The following ARHGEF10 variants were observed in gnomAD, a reference collection of about 807,000 sequenced individuals.
ARHGEF10 encodes the protein Rho guanine nucleotide exchange factor 10.
Under a neutral mutation model 147.4 loss-of-function variants are expected in ARHGEF10, and 140 were observed. The observed-to-expected ratio is 0.95, with a 90% CI of 0.83 to 1.09. ARHGEF10 has a LOEUF of 1.09. Among genes scored for constraint, ARHGEF10 ranks in the 50% least tolerant of loss-of-function variants. ARHGEF10 has a pLI of 0.00. For synonymous variants in ARHGEF10, 902 were observed against 695.8 expected (o/e 1.30, Z -4.67); for missense variants, 2,222 against 1,752.7 (o/e 1.27, Z -4.78).
chr8:1,869,426 G>A (rs1806903418), intron 7 of ARHGEF10, 176 bp downstream of exon 7: 4 of 712,214 alleles, frequency 5.6e-6, no homozygotes, highest in East Asian at 2.7e-5. Flanking sequence ...GCACATATGT[G>A]TGTGTGCTTA....
chr8:1,930,630 A>G (rs925079879), intron 25 of ARHGEF10, among the ~76,000 whole-genome samples: 1 of 151,834 alleles, frequency 6.6e-6, no homozygotes, highest in Non-Finnish European at 1.5e-5. Context: ...GAGTGCTGCT[A>G]TTGGAGTTCC....
chr8:1,851,917 A>G (rs1429982510), intron 2 of ARHGEF10, among the ~76,000 whole-genome samples: 1 of 151,888 alleles, frequency 6.6e-6, no homozygotes, highest in Non-Finnish European at 1.5e-5. Context: ...CTGTCTCAAA[A>G]AAAAAAAAAA....
chr8:1,866,764 C>A (rs1231413463), intron 6 of ARHGEF10, among the ~76,000 whole-genome samples, 162 bp downstream of exon 6: 1 of 152,200 alleles, frequency 6.6e-6, no homozygotes, highest in Non-Finnish European at 1.5e-5. Flanking sequence ...CAGAAGTTTC[C>A]CCGGGTTCCC....
rs752873210 is a variant in ARHGEF10, at chr8:1,876,707, C to A, written c.816C>A (p.Ser272=). The A allele has an allele frequency of 1.7e-5, 27 of 1,614,032 alleles. No homozygotes were observed. Among genetic ancestry groups the A allele is most frequent in the Non-Finnish European group, 2.3e-5 (27 of 1,180,050 alleles). The change falls in exon 8 of 29, where the codon TCC becomes TCA. Residue 272 remains serine, a synonymous_variant. Transcript: ENST00000349830. ...DSECKNGIPR[S]FLRSNHKKQL... ...AGTGCAAGAATGGGATTCCCAGGTC[C>A]TTCCTGCGCAGCAACCACAAAAAGC...
chr8:1,908,281 A>T (rs1285696618), intron 17 of ARHGEF10, among the ~76,000 whole-genome samples: 2 of 132,908 alleles, frequency 1.5e-5, no homozygotes, highest in African/African-American at 6.0e-5. Context: ...CCCAGGCTGG[A>T]GTGCTGTGGC....
At chr8:1,838,083 G>C (rs1364444606) in intron 1 of ARHGEF10, among the ~76,000 whole-genome samples, 1 of 152,168 alleles carries the variant, frequency 6.6e-6, no homozygotes, top group East Asian at 1.9e-4. Context: ...ATGCGTCTTT[G>C]TCTGTCCTGT....
chr8:1,861,861 C>A (rs1039571854), intron 4 of ARHGEF10, among the ~76,000 whole-genome samples: 1 of 152,082 alleles, frequency 6.6e-6, no homozygotes, highest in African/African-American at 2.4e-5. Flanking sequence ...AAGGAAAATA[C>A]GTTTGTTTTA....
intron 18 of ARHGEF10, among the ~76,000 whole-genome samples, chr8:1,922,731 C>T (rs1360247495): frequency 3.9e-5 from 6 of 152,146 alleles, no homozygotes; most frequent in Non-Finnish European, 5.9e-5. Flanking sequence ...GGAAGCCAGG[C>T]CTGGGCATTC....
At chr8:1,905,836 C>G in intron 17 of ARHGEF10, 120 bp downstream of exon 17, 3 of 1,309,278 alleles carry the variant, frequency 2.3e-6, no homozygotes, top group Non-Finnish European at 3.2e-6. Context: ...TGTGCCAAAG[C>G]TCTGTCCTGT....
intron 4 of ARHGEF10, among the ~76,000 whole-genome samples, 164 bp downstream of exon 4, chr8:1,860,348 C>G (rs921489828): frequency 6.1e-5 from 9 of 146,924 alleles, no homozygotes; most frequent in African/African-American, 2.3e-4. Flanking sequence ...CTCCATGCCC[C>G]CGATGTGGCC....
At chr8:1,905,544 T>C in intron 16 of ARHGEF10, 27 bp from the exon 17 acceptor site, 4 of 1,614,064 alleles carry the variant, frequency 2.5e-6, no homozygotes, top group Non-Finnish European at 3.4e-6. Context: ...TGAACTGTGG[T>C]CCCTGGGCTG....
chr8:1,831,565 C>T lies in ARHGEF10; in HGVS notation c.-48+7452C>T, dbSNP rs552567619. 3.0e-3 allele frequency among the ~76,000 whole-genome samples: 451 copies of T among 150,682 alleles called. 8 individuals carry two copies. The Middle Eastern group carries it at 0.038, about 13-fold the overall frequency. The stretch of plus-strand genomic sequence containing the variant: ...TGACGGCCGTGGAGGGACAGTGTGA[C>T]ATCCGTGGAGGGACAGTGTGACGGC... On this transcript the variant is annotated intron_variant, in intron 1 of 28. Coordinates refer to ENST00000349830, the MANE Select transcript of ARHGEF10 (RefSeq NM_014629.4).
rs1244929896 is a variant in ARHGEF10 at position 1,909,310 on chromosome 8, C to T, written c.1983C>T (p.Ser661=). The change falls in exon 18 of 29, where the codon AGC becomes AGT. Residue 661 remains serine, a synonymous_variant. Transcript: ENST00000349830. ...ATVSSRPSHD[S]RVMSSQRYLL... The stretch of plus-strand genomic sequence containing the variant: ...GTCGTTTCAGCCCCTCTCATGACAG[C>T]CGTGTGATGAGCAGCCAGAGGTACT... 15 of 1,614,198 alleles carry T rather than the reference C, an allele frequency of 9.3e-6. No homozygotes were observed. The highest frequency in any genetic ancestry group is 1.3e-5 in the Non-Finnish European group (15 of 1,180,040).
At chr8:1,885,754 C>G (rs760810371) in intron 11 of ARHGEF10, 47 bp downstream of exon 11, 11 of 1,414,226 alleles carry the variant, frequency 7.8e-6, no homozygotes, top group Non-Finnish European at 1.1e-5. Flanking sequence ...CAGAGCTGTG[C>G]TAGTTTTTAA....
At chr8:1,823,779 C>A (rs1057030542), upstream of ARHGEF10, among the ~76,000 whole-genome samples, 2 of 151,810 alleles carry the variant, frequency 1.3e-5, no homozygotes, top group African/African-American at 2.4e-5. Flanking sequence ...GGAGGGGGCG[C>A]GGGCGGCCAC....
At position 1,954,757 on chromosome 8, in the gene ARHGEF10, A is replaced by G. The variant is rs928860001; in HGVS notation, c.3520+1930A>G. Among the ~76,000 whole-genome samples, 4 of 152,308 alleles carry G rather than the reference A, an allele frequency of 2.6e-5. No individual in the cohort carries two copies. In the South Asian group the frequency reaches 8.3e-4, roughly 32 times the overall value. ...CTCCTCTGTAGTTGTACCAATTTGT[A>G]TCTTAAAGGGTACTTTTCACCTTTC... is the stretch of plus-strand genomic sequence containing the variant. On this transcript the variant is annotated intron_variant, in intron 28 of 28. Transcript: ENST00000349830.
chr8:1,866,632 TC>T (rs755099152), intron 6 of ARHGEF10, 30 bp downstream of exon 6: 1 of 1,596,406 alleles, frequency 6.3e-7, no homozygotes, highest in South Asian at 1.1e-5. Flanking sequence ...ACAGCCAGAA[TC>T]CTCACCACGC....
chr8:1,955,204 G>C (rs113938270), intron 28 of ARHGEF10, among the ~76,000 whole-genome samples: 1 of 123,722 alleles, frequency 8.1e-6, no homozygotes, highest in Non-Finnish European at 1.8e-5. Context: ...CTCTGGATGG[G>C]TAGCCAGGTG....
intron 7 of ARHGEF10, 53 bp from the exon 8 acceptor site, chr8:1,876,518 A>T: frequency 6.4e-7 from 1 of 1,564,900 alleles, no homozygotes; most frequent in East Asian, 2.2e-5. Flanking sequence ...GGCACAAAAC[A>T]GCCCACATGG....
Sources: allele counts gnomAD v4.1 joint callset (sites outside exome capture counted in the v4.1 genomes callset), GRCh38; gene constraint gnomAD v4.1.1; transcripts MANE v1.5; gene names NCBI Gene and HGNC (gene_info 2026-07-23, HGNC 2026-07-21).